RTN4RL1: variants seen among roughly 807,000 people sequenced by gnomAD.
RTN4RL1 encodes reticulon-4 receptor-like 1.
RTN4RL1 carries 7 observed loss-of-function variants against 25.6 expected under a neutral mutation model. The observed-to-expected ratio is 0.27, with a 90% CI of 0.16 to 0.51. The LOEUF (loss-of-function observed/expected upper bound fraction) is 0.51, where lower values mean the gene tolerates loss of function less well. RTN4RL1 is among the 20% of genes least tolerant of loss of function. The probability of loss-of-function intolerance (pLI) is 0.97; values close to 1 mark genes in which losing one functional copy is unlikely to be tolerated. For synonymous variants in RTN4RL1, 297 were observed against 288.2 expected (o/e 1.03, Z -0.31); for missense variants, 500 against 615.6 (o/e 0.81, Z 1.99).
rs1394992608 is a variant in RTN4RL1 at position 2,021,731 on chromosome 17, T to C, written c.13+3122A>G. On this transcript the variant is annotated intron_variant, in intron 1 of 1. Coordinates refer to ENST00000331238, the MANE Select transcript of RTN4RL1 (RefSeq NM_178568.4). ...CAGCACGCCCGGCTAATTTTTGTAT[T>C]TTTAGTAGAGACGGGGTTTCACCAT... Among the ~76,000 whole-genome samples the C allele has an allele frequency of 2.0e-5, 3 of 151,776 alleles. No individual in the cohort carries two copies. In the East Asian group the frequency reaches 5.8e-4, roughly 30 times the overall value.
Position 1,998,597 on chromosome 17 carries a change from G to A in RTN4RL1, c.13+26256C>T, listed in dbSNP as rs1257948316. On this transcript the variant is annotated intron_variant, in intron 1 of 1. Transcript: ENST00000331238. This position sits in a 1 kb window ranked among gnomAD's most constrained non-coding sequence, Gnocchi z 4.9. ...ACTTTACAGACGTGAACGCTGAGGC[G>A]GAGGGTGGGGGACGTGGGGCCGGCT... Among the ~76,000 whole-genome samples the A allele has an allele frequency of 6.6e-6, 1 of 152,112 alleles. No individual in the cohort carries two copies. Among genetic ancestry groups the A allele is most frequent in the Non-Finnish European group, 1.5e-5 (1 of 68,008 alleles).
intron 1 of RTN4RL1, among the ~76,000 whole-genome samples, chr17:1,938,210 C>T (rs998168188): frequency 6.6e-5 from 10 of 152,216 alleles, no homozygotes; most frequent in African/African-American, 2.4e-4. Context: ...GTTATCTGTG[C>T]TCACGGATAT....
chr17:1,980,296 C>G (rs2066861697), intron 1 of RTN4RL1, among the ~76,000 whole-genome samples: 1 of 150,080 alleles, frequency 6.7e-6, no homozygotes, highest in African/African-American at 2.5e-5. Context: ...GTTTGGAACT[C>G]CTGGGCTCAA....
chr17:2,006,651 C>G (rs921941245), intron 1 of RTN4RL1, among the ~76,000 whole-genome samples: 1 of 149,962 alleles, frequency 6.7e-6, no homozygotes, highest in African/African-American at 2.5e-5. Context: ...GACAGTCTCT[C>G]GCTTTGTTGC....
At chr17:1,977,089 T>A (rs368455921) in intron 1 of RTN4RL1, among the ~76,000 whole-genome samples, 115 of 152,312 alleles carry the variant, frequency 7.6e-4, no homozygotes, top group Admixed American at 7.4e-3. Context: ...TTATGGCAGG[T>A]GATAGATACT....
intron 1 of RTN4RL1, among the ~76,000 whole-genome samples, chr17:1,986,446 A>T (rs1217031929): frequency 6.6e-6 from 1 of 152,130 alleles, no homozygotes; most frequent in African/African-American, 2.4e-5. Flanking sequence ...GTCTTTGTCG[A>T]TGTAATTAAG....
At chr17:2,002,766 G>T (rs894626640) in intron 1 of RTN4RL1, among the ~76,000 whole-genome samples, 2 of 152,130 alleles carry the variant, frequency 1.3e-5, no homozygotes, top group Admixed American at 6.6e-5. Flanking sequence ...GTTCCCAGTG[G>T]GGGGCAGAGG....
At chr17:2,000,015 G>T (rs1301920574) in intron 1 of RTN4RL1, among the ~76,000 whole-genome samples, 1 of 152,254 alleles carries the variant, frequency 6.6e-6, no homozygotes, top group African/African-American at 2.4e-5. Flanking sequence ...GGGTGCAGGG[G>T]CACAGGCCGG....
At chr17:2,000,192 C>A (rs1479384564) in intron 1 of RTN4RL1, among the ~76,000 whole-genome samples, 1 of 152,212 alleles carries the variant, frequency 6.6e-6, no homozygotes, top group South Asian at 2.1e-4. Flanking sequence ...CTACCCAGCC[C>A]GGCCAGGCCT....
chr17:1,963,924 A>C (rs1597497927), intron 1 of RTN4RL1, among the ~76,000 whole-genome samples: 1 of 152,106 alleles, frequency 6.6e-6, no homozygotes, highest in African/African-American at 2.4e-5. Context: ...ACAGGATTTC[A>C]CCATGTTGGT....
At chr17:1,964,322 T>C (rs572862550) in intron 1 of RTN4RL1, among the ~76,000 whole-genome samples, 21 of 152,348 alleles carry the variant, frequency 1.4e-4, no homozygotes, top group Admixed American at 5.2e-4. Context: ...GTGTGGCTCC[T>C]CACGCCTGGA....
chr17:1,936,231 AC>A lies in RTN4RL1; in HGVS notation c.*264del, dbSNP rs1915300416. On this transcript the variant is annotated 3_prime_UTR_variant, in exon 2 of 2. Coordinates refer to ENST00000331238, the MANE Select transcript of RTN4RL1 (RefSeq NM_178568.4). The stretch of plus-strand genomic sequence containing the variant: ...GGATGCACTTGGAGTGCCTTTTCCC[AC>A]CTTGCCAGAGTGGACACTGTCCGTG... The A allele has an allele frequency of 8.6e-6, 11 of 1,282,924 alleles. No individual in the cohort carries two copies. Among genetic ancestry groups the A allele is most frequent in the Non-Finnish European group, 1.1e-5 (11 of 1,017,132 alleles). The allele number at this position is 1,282,924 out of a possible 1,614,324, so 79.5% of individuals were successfully genotyped here. A position where few individuals can be genotyped will look rare whatever the true frequency, so the allele number is the denominator to read the frequency against.
Position 1,936,755 on chromosome 17 carries a change from C to T in RTN4RL1, c.1067G>A (p.Cys356Tyr). 6.3e-7 allele frequency: 1 copy of T among 1,596,032 alleles called. No individual in the cohort carries two copies. The highest frequency in any genetic ancestry group is 8.5e-7 in the Non-Finnish European group (1 of 1,172,778). Residue 356 changes from cysteine to tyrosine, a missense_variant, in exon 2 of 2, where the codon TGC (cysteine) becomes TAC (tyrosine). By Grantham distance (194) the Cys-to-Tyr change is radical (BLOSUM62 -2). Coordinates refer to ENST00000331238, the MANE Select transcript of RTN4RL1 (RefSeq NM_178568.4). ...CTGATTGCGGTTCCTGGGGTTGGTG[C>T]AGTTCTTCCCCGGCTTCCTGTGGCC... ...RPGHRKPGKN[C>Y]TNPRNRNQIS...
chr17:1,945,019 C>A (rs2151305684), intron 1 of RTN4RL1, among the ~76,000 whole-genome samples: 1 of 152,268 alleles, frequency 6.6e-6, no homozygotes, highest in Admixed American at 6.5e-5. Flanking sequence ...CTCCTTCCCT[C>A]CCCAGCCGCA....
chr17:1,976,970 G>A (rs1217591618), intron 1 of RTN4RL1, among the ~76,000 whole-genome samples: 1 of 152,144 alleles, frequency 6.6e-6, no homozygotes, highest in Non-Finnish European at 1.5e-5. Context: ...TGCCTGGCTC[G>A]GAGTAAGTGC....
chr17:2,025,184 G>C lies in RTN4RL1; in HGVS notation c.-319C>G, dbSNP rs1400942199. 8.1e-6 allele frequency: 2 copies of C among 248,182 alleles called. No individual in the cohort carries two copies. The highest frequency in any genetic ancestry group is 4.5e-5 in the African/African-American group (2 of 44,286). The allele number at this position is 248,182 out of a possible 1,614,324, so 15.4% of individuals were successfully genotyped here. On this transcript the variant is annotated 5_prime_UTR_variant, in exon 1 of 2. Transcript: ENST00000331238. The surrounding 1 kb of genome is among the most constrained non-coding windows in gnomAD (Gnocchi z 4.8). ...CGGAGCACTTCGCAGGCGGTTTTGAGGGGGGACGCCGCCCCCTGGCCGGCC... is the reference window on the plus strand; with the variant it reads ...CGGAGCACTTCGCAGGCGGTTTTGACGGGGGACGCCGCCCCCTGGCCGGCC...
chr17:1,954,975 G>C (rs539867510), intron 1 of RTN4RL1, among the ~76,000 whole-genome samples: 7 of 152,218 alleles, frequency 4.6e-5, no homozygotes, highest in African/African-American at 1.4e-4. Context: ...AATTCTCCTC[G>C]GACCCTCTGC....
intron 1 of RTN4RL1, among the ~76,000 whole-genome samples, chr17:1,986,149 C>A (rs143238166): frequency 6.6e-6 from 1 of 152,154 alleles, no homozygotes; most frequent in African/African-American, 2.4e-5. Context: ...GAAAACCAGG[C>A]GGGATCTGGG....
rs1305148223 is a variant in RTN4RL1, at chr17:1,961,245, C to T, written c.14-23437G>A. 5.3e-5 allele frequency among the ~76,000 whole-genome samples: 8 copies of T among 152,134 alleles called. No individual in the cohort carries two copies. The East Asian group carries it at 1.5e-3, about 29-fold the overall frequency. ...TGCTGCTGGGGAGGGGAGGAGTAACCAGGAAAAGTCACGAAGGGAAGGGGG... is the reference window on the plus strand; with the variant it reads ...TGCTGCTGGGGAGGGGAGGAGTAACTAGGAAAAGTCACGAAGGGAAGGGGG... On this transcript the variant is annotated intron_variant, in intron 1 of 1. Coordinates refer to ENST00000331238, the MANE Select transcript of RTN4RL1 (RefSeq NM_178568.4).
Sources: gnomAD v4.1 joint callset for allele counts (sites outside exome capture counted in the v4.1 genomes callset) on GRCh38, gnomAD v4.1.1 for gene constraint, Gnocchi (gnomAD v3.1) non-coding constraint, MANE v1.5 for transcripts, NCBI Gene and HGNC (gene_info 2026-07-23, HGNC 2026-07-21) for gene names.